Variants in ARRDC5 observed in about 807,000 individuals in gnomAD.
ARRDC5 encodes the protein arrestin domain-containing protein 5.
A neutral mutation model predicts 13.3 loss-of-function variants in ARRDC5; 12 were observed. The ratio of observed to expected loss-of-function variants is 0.90; its 90% CI spans 0.58 to 1.46. ARRDC5 has a LOEUF of 1.46. Among genes scored for constraint, ARRDC5 ranks in the 40% most tolerant of loss-of-function variants. ARRDC5 has a pLI of 0.00. For missense variants in ARRDC5, 406 were observed against 418.7 expected, an observed-to-expected ratio of 0.97 and a Z score of 0.26; for synonymous variants, 181 against 173.4, an observed-to-expected ratio of 1.04 and a Z score of -0.34.
At chr19:4,908,820 C>T in the ARRDC5 span, among the ~76,000 whole-genome samples, 1 of 152,230 alleles carries the variant, frequency 6.6e-6, no homozygotes, top group Non-Finnish European at 1.5e-5. Flanking sequence ...CCGCTGGGTT[C>T]TGCAGCTCTG....
the ARRDC5 span, among the ~76,000 whole-genome samples, chr19:4,907,901 G>A: frequency 4.0e-5 from 6 of 151,510 alleles, no homozygotes; most frequent in Non-Finnish European, 2.9e-5. Context: ...TAGTAGAAAC[G>A]GGGTTTCTCC....
chr19:4,901,174 C>T (rs1254140155), intron 1 of ARRDC5, among the ~76,000 whole-genome samples: 2 of 151,812 alleles, frequency 1.3e-5, no homozygotes, highest in Non-Finnish European at 2.9e-5. Context: ...CAAAAATTAG[C>T]CAAGCATGGT....
chr19:4,913,320 C>T, the ARRDC5 span, among the ~76,000 whole-genome samples: 1 of 139,642 alleles, frequency 7.2e-6, no homozygotes, highest in African/African-American at 2.7e-5. Context: ...GTGGCTCGAT[C>T]TGGGCTCACT....
the ARRDC5 span, chr19:4,909,098 G>GC: frequency 1.1e-5 from 2 of 181,366 alleles, no homozygotes; most frequent in African/African-American, 2.4e-5. Context: ...TCTCCTAGGG[G>GC]CCCCCCACAT....
the ARRDC5 span, among the ~76,000 whole-genome samples, chr19:4,916,395 G>A: frequency 7.2e-5 from 11 of 151,890 alleles, no homozygotes; most frequent in East Asian, 1.4e-3. Flanking sequence ...TCAACATGGC[G>A]GAGCCGTCCC....
chr19:4,908,230 G>A, the ARRDC5 span, among the ~76,000 whole-genome samples: 1 of 152,148 alleles, frequency 6.6e-6, no homozygotes, highest in Non-Finnish European at 1.5e-5. Context: ...GATCCTGGGG[G>A]CGAGGACGTG....
chr19:4,914,528 G>A, the ARRDC5 span, among the ~76,000 whole-genome samples: 1 of 152,072 alleles, frequency 6.6e-6, no homozygotes, highest in Admixed American at 6.6e-5. Flanking sequence ...GTCTCACTTG[G>A]GCTGAATAGG....
the ARRDC5 span, chr19:4,910,567 G>C: frequency 3.4e-6 from 1 of 294,778 alleles, no homozygotes; most frequent in Non-Finnish European, 6.3e-6. Flanking sequence ...CACTTGGCCC[G>C]GGCCTCCTTT....
chr19:4,907,247 T>G (rs1262746121), upstream of ARRDC5, among the ~76,000 whole-genome samples: 1 of 152,118 alleles, frequency 6.6e-6, no homozygotes, highest in Non-Finnish European at 1.5e-5. Flanking sequence ...GTAGCTGGGA[T>G]TATAGGCACA....
At chr19:4,896,361 T>TACACACACACACACAC (rs71170877) in intron 2 of ARRDC5, among the ~76,000 whole-genome samples, 2 of 84,956 alleles carry the variant, frequency 2.4e-5, no homozygotes, top group East Asian at 7.1e-4. Context: ...TTTTTTTTTT[T>TACACACACACACACAC]ACACACACAC....
chr19:4,896,562 C>A, intron 2 of ARRDC5, 109 bp downstream of exon 2: 1 of 801,344 alleles, frequency 1.2e-6, no homozygotes, highest in South Asian at 1.6e-5. Flanking sequence ...GCTGCCAACA[C>A]CCTTCCCTTC....
the ARRDC5 span, among the ~76,000 whole-genome samples, chr19:4,911,528 G>C: frequency 6.6e-6 from 1 of 152,238 alleles, no homozygotes; most frequent in East Asian, 1.9e-4. Flanking sequence ...TCAGAGTCTG[G>C]AGATGGCGCT....
chr19:4,902,710 A>T lies in ARRDC5; in HGVS notation c.116T>A (p.Ile39Lys). 1 of 1,613,856 alleles carries T rather than the reference A, an allele frequency of 6.2e-7. No homozygotes were observed. Residue 39 changes from isoleucine to lysine, a missense_variant, in exon 1 of 3, where the codon ATA (isoleucine) becomes AAA (lysine). Physicochemically the swap from Ile to Lys is moderately radical, Grantham distance 102 (BLOSUM62 -3). Transcript: ENST00000650722. ...LTLNSTLVDP[I>K]VKVELVGRGY... ...CCTTCCCACGAGCTCCACCTTCACT[A>T]TGGGGTCCACCAGGGTGCTGTTCAG...
At position 4,902,634 on chromosome 19, in the gene ARRDC5, T is replaced by A; in HGVS notation, c.192A>T (p.Arg64Ser). Residue 64 changes from arginine (R) to serine (S), a missense_variant, in exon 1 of 3, where the codon AGA becomes AGT. By Grantham distance (110) the Arg-to-Ser change is moderately radical. Coordinates refer to ENST00000650722, the MANE Select transcript of ARRDC5 (RefSeq NM_001080523.3). ...EEAGASCDYS[R>S]NVICNNKADY... ...CTGCCTTGTTGTTGCAAATAACATTTCTGCTATAATCACAGGATGCCCCGG... is the reference window on the plus strand; with the variant it reads ...CTGCCTTGTTGTTGCAAATAACATTACTGCTATAATCACAGGATGCCCCGG... 6.2e-7 allele frequency: 1 copy of A among 1,614,040 alleles called. No individual in the cohort carries two copies. The highest frequency in any genetic ancestry group is 1.6e-4 in the Middle Eastern group (1 of 6,062).
intron 2 of ARRDC5, among the ~76,000 whole-genome samples, chr19:4,896,301 G>A (rs1480241922): frequency 7.3e-5 from 9 of 122,790 alleles, no homozygotes; most frequent in South Asian, 5.8e-4. Flanking sequence ...GTGACAGAGC[G>A]AGACTGCATC....
Position 4,896,355 on chromosome 19 carries a change from TTTTTTTAC to T in ARRDC5, c.459+308_459+315del, listed in dbSNP as rs1413086108. On this transcript the variant is annotated intron_variant, in intron 2 of 2. Coordinates refer to ENST00000650722, the MANE Select transcript of ARRDC5 (RefSeq NM_001080523.3). Reference sequence around the variant, plus strand: ...ATATATATATATATATATATTTTTTTTTTTTTACACACACACACACACACACACACACA... The same window carrying T: ...ATATATATATATATATATATTTTTTTACACACACACACACACACACACACA... 1.9e-4 allele frequency among the ~76,000 whole-genome samples: 20 copies of T among 104,034 alleles called. 1 individual carries two copies. The highest frequency in any genetic ancestry group is 5.0e-4 in the African/African-American group (12 of 23,776). The allele number at this position is 104,034 out of a possible 152,430, so 68.3% of individuals were successfully genotyped here.
At chr19:4,896,311 C>A (rs2031709047) in intron 2 of ARRDC5, among the ~76,000 whole-genome samples, 2 of 48,910 alleles carry the variant, frequency 4.1e-5, no homozygotes, top group Non-Finnish European at 3.6e-5. Flanking sequence ...GAGACTGCAT[C>A]TCAAAAAAAA....
the ARRDC5 span, among the ~76,000 whole-genome samples, chr19:4,907,932 G>A: frequency 6.7e-6 from 1 of 149,240 alleles, no homozygotes; most frequent in Non-Finnish European, 1.5e-5. Context: ...GGCTGGTCTC[G>A]AACTCCTGAC....
chr19:4,896,298 A>G (rs2031708171), intron 2 of ARRDC5, among the ~76,000 whole-genome samples: 1 of 135,464 alleles, frequency 7.4e-6, no homozygotes, highest in Non-Finnish European at 1.6e-5. Context: ...CTGGTGACAG[A>G]GCGAGACTGC....
Sources: gnomAD v4.1 joint callset for allele counts (sites outside exome capture counted in the v4.1 genomes callset) on GRCh38, gnomAD v4.1.1 for gene constraint, MANE v1.5 for transcripts, NCBI Gene and HGNC (gene_info 2026-07-23, HGNC 2026-07-21) for gene names.